Variants in ARHGAP32 observed in about 807,000 individuals in gnomAD.
ARHGAP32 encodes the protein rho GTPase-activating protein 32.
Under a neutral mutation model 186.5 loss-of-function variants are expected in ARHGAP32, and 51 were observed. The ratio of observed to expected loss-of-function variants is 0.27; its 90% confidence interval spans 0.22 to 0.35. The LOEUF (loss-of-function observed/expected upper bound fraction) is 0.35, where lower values mean the gene tolerates loss of function less well. Among genes scored for constraint, ARHGAP32 ranks in the 10% least tolerant of loss-of-function variants. The probability of loss-of-function intolerance (pLI) is 1.00; values close to 1 mark genes in which losing one functional copy is unlikely to be tolerated. For synonymous variants in ARHGAP32, 950 were observed against 964.3 expected (o/e 0.99, Z 0.27); for missense variants, 2,186 against 2,623.5 (o/e 0.83, Z 3.64).
intron 6 of ARHGAP32, among the ~76,000 whole-genome samples, chr11:129,071,681 T>C (rs1940871327): frequency 6.6e-6 from 1 of 152,088 alleles, no homozygotes; most frequent in Non-Finnish European, 1.5e-5. Context: ...AAAAATAGAA[T>C]TACCATATGA....
intron 5 of ARHGAP32, among the ~76,000 whole-genome samples, chr11:129,113,026 T>C (rs1225754185): frequency 1.3e-5 from 2 of 152,198 alleles, no homozygotes; most frequent in South Asian, 4.1e-4. Context: ...AATGTGGCTG[T>C]AGACCTCATT....
At chr11:129,036,333 T>C (rs984066254) in intron 11 of ARHGAP32, among the ~76,000 whole-genome samples, 1 of 133,788 alleles carries the variant, frequency 7.5e-6, no homozygotes, top group Non-Finnish European at 1.5e-5. Context: ...TGAGCTGAGA[T>C]CGCGCCATTG....
At chr11:129,239,141 T>G (rs1223814034) in intron 1 of ARHGAP32, among the ~76,000 whole-genome samples, 1 of 152,234 alleles carries the variant, frequency 6.6e-6, no homozygotes, top group Admixed American at 6.5e-5. Flanking sequence ...TGAACCACTA[T>G]GCCAGGCCAC....
At chr11:129,222,651 T>C (rs1944727300) in intron 1 of ARHGAP32, among the ~76,000 whole-genome samples, 1 of 152,196 alleles carries the variant, frequency 6.6e-6, no homozygotes, top group South Asian at 2.1e-4. Flanking sequence ...GAAAACCTGT[T>C]GTCACTGTTC....
intron 2 of ARHGAP32, among the ~76,000 whole-genome samples, chr11:129,133,775 G>A (rs945728756): frequency 3.9e-5 from 6 of 152,190 alleles, no homozygotes; most frequent in African/African-American, 1.4e-4. Context: ...GCTCTTCAGG[G>A]AGAAGGAAAA....
intron 1 of ARHGAP32, 39 bp from the exon 2 acceptor site, chr11:129,164,466 C>A: frequency 2.5e-6 from 3 of 1,201,946 alleles, no homozygotes; most frequent in Non-Finnish European, 2.3e-6. Context: ...TAAGAATTTC[C>A]AATTCTATGA....
chr11:129,067,607 C>A (rs954310371), intron 6 of ARHGAP32, among the ~76,000 whole-genome samples: 1 of 151,862 alleles, frequency 6.6e-6, no homozygotes, highest in African/African-American at 2.4e-5. Flanking sequence ...CAGAGTTTAT[C>A]AGCTCACACC....
At chr11:129,047,153 C>T (rs1939845308) in intron 10 of ARHGAP32, among the ~76,000 whole-genome samples, 1 of 151,584 alleles carries the variant, frequency 6.6e-6, no homozygotes, top group South Asian at 2.1e-4. Context: ...AAATTCTCTT[C>T]TATTGGTTTA....
chr11:129,093,327 A>G (rs1000688083), intron 6 of ARHGAP32, among the ~76,000 whole-genome samples: 1 of 152,130 alleles, frequency 6.6e-6, no homozygotes, highest in African/African-American at 2.4e-5. Context: ...TTATTTACTC[A>G]TAAGTGTCAA....
intron 2 of ARHGAP32, among the ~76,000 whole-genome samples, chr11:129,153,685 G>A (rs1447797950): frequency 1.3e-5 from 2 of 152,180 alleles, no homozygotes; most frequent in Non-Finnish European, 2.9e-5. Flanking sequence ...CAAGCCAAAT[G>A]TAGAAGAATG....
intron 1 of ARHGAP32, among the ~76,000 whole-genome samples, chr11:129,237,129 A>G (rs979639214): frequency 1.3e-5 from 2 of 152,038 alleles, no homozygotes; most frequent in African/African-American, 4.8e-5. Flanking sequence ...TATCTTTTTG[A>G]TATGCTGTTG....
intron 2 of ARHGAP32, among the ~76,000 whole-genome samples, chr11:129,149,144 T>C (rs904151106): frequency 2.6e-5 from 4 of 152,190 alleles, no homozygotes; most frequent in East Asian, 1.9e-4. Context: ...CTATAGCTGA[T>C]GCTCTTTTGA....
chr11:129,221,781 T>C (rs1944715589), intron 1 of ARHGAP32, among the ~76,000 whole-genome samples: 1 of 151,994 alleles, frequency 6.6e-6, no homozygotes, highest in Admixed American at 6.6e-5. Context: ...CCCTGCACCC[T>C]AGTCTGGATG....
At chr11:129,033,215 G>T (rs1401148366) in intron 11 of ARHGAP32, among the ~76,000 whole-genome samples, 2 of 152,088 alleles carry the variant, frequency 1.3e-5, no homozygotes, top group African/African-American at 4.8e-5. Context: ...TTTAACAAAT[G>T]GAAATAAAGC....
intron 2 of ARHGAP32, among the ~76,000 whole-genome samples, chr11:129,133,640 C>A (rs954321820): frequency 1.3e-5 from 2 of 152,046 alleles, no homozygotes; most frequent in Non-Finnish European, 2.9e-5. Flanking sequence ...AACTCTCAAC[C>A]CAGAAATCTG....
At chr11:129,120,812 G>A (rs1352791252) in intron 5 of ARHGAP32, among the ~76,000 whole-genome samples, 1 of 152,038 alleles carries the variant, frequency 6.6e-6, no homozygotes, top group Non-Finnish European at 1.5e-5. Context: ...AAAAGAGAAG[G>A]TATGTCACTG....
At chr11:129,223,964 T>C (rs1944747227) in intron 1 of ARHGAP32, among the ~76,000 whole-genome samples, 1 of 152,136 alleles carries the variant, frequency 6.6e-6, no homozygotes, top group Admixed American at 6.6e-5. Context: ...AGGGTGGAAA[T>C]AAAAAGATAC....
intron 10 of ARHGAP32, among the ~76,000 whole-genome samples, chr11:129,050,621 G>C (rs1940003673): frequency 6.6e-6 from 1 of 152,154 alleles, no homozygotes; most frequent in South Asian, 2.1e-4. Context: ...CTTCCAAAGA[G>C]CCGAAAGTTT....
chr11:128,979,097 T>C (rs1945635643), intron 18 of ARHGAP32, among the ~76,000 whole-genome samples, 182 bp from the exon 19 acceptor site: 1 of 152,134 alleles, frequency 6.6e-6, no homozygotes, highest in Admixed American at 6.5e-5. Flanking sequence ...AGAAAATGGA[T>C]AGTAAACATG....
Sources: gnomAD v4.1 joint callset for allele counts (sites outside exome capture counted in the v4.1 genomes callset) on GRCh38, gnomAD v4.1.1 for gene constraint, MANE v1.5 for transcripts, NCBI Gene and HGNC (gene_info 2026-07-23, HGNC 2026-07-21) for gene names.